Variants in MYO3B observed in about 807,000 individuals in gnomAD.
MYO3B encodes the protein myosin-IIIb.
MYO3B carries 156 observed loss-of-function variants against 174.6 expected under a neutral mutation model. That is an observed-to-expected ratio of 0.89 (90% CI 0.78 to 1.02). MYO3B has a LOEUF of 1.02. MYO3B is among the 50% of genes least tolerant of loss of function. MYO3B has a pLI of 0.00. For synonymous variants in MYO3B, 563 were observed against 569.1 expected, an observed-to-expected ratio of 0.99 and a Z score of 0.15; for missense variants, 1,632 against 1,639.4, an observed-to-expected ratio of 1.00 and a Z score of 0.08.
intron 8 of MYO3B, chr2:170,340,231 G>GT (rs1050425852): frequency 6.6e-6 from 1 of 152,128 alleles, no homozygotes; most frequent in African/African-American, 2.4e-5. Context: ...AACTTTAGTG[G>GT]TTTTTTAGGA....
At chr2:170,525,963 A>G (rs1688972835) in intron 30 of MYO3B, among the ~76,000 whole-genome samples, 1 of 152,198 alleles carries the variant, frequency 6.6e-6, no homozygotes, top group African/African-American at 2.4e-5. Flanking sequence ...TAGTGCACTA[A>G]CACGTTAGAG....
intron 30 of MYO3B, chr2:170,519,752 C>T: frequency 2.3e-6 from 1 of 434,990 alleles, no homozygotes; most frequent in Non-Finnish European, 4.2e-6. Flanking sequence ...GTGGGTGGAT[C>T]ACCTGAGGTC....
At chr2:170,439,922 C>T (rs1239420832) in intron 22 of MYO3B, among the ~76,000 whole-genome samples, 2 of 152,138 alleles carry the variant, frequency 1.3e-5, no homozygotes, top group African/African-American at 2.4e-5. Context: ...CCTTGTGATC[C>T]GCCTGCCTCA....
intron 30 of MYO3B, among the ~76,000 whole-genome samples, chr2:170,522,891 C>T (rs974949456): frequency 4.6e-5 from 7 of 152,176 alleles, no homozygotes; most frequent in African/African-American, 1.7e-4. Context: ...TTTTTCACAA[C>T]AGGATAATGA....
At chr2:170,443,654 G>A (rs1421416519) in intron 22 of MYO3B, among the ~76,000 whole-genome samples, 1 of 151,786 alleles carries the variant, frequency 6.6e-6, no homozygotes, top group Non-Finnish European at 1.5e-5. Flanking sequence ...AATCCATCTT[G>A]AATTAATTTT....
At chr2:170,181,724 T>C (rs1475738741) in intron 1 of MYO3B, among the ~76,000 whole-genome samples, 2 of 152,182 alleles carry the variant, frequency 1.3e-5, no homozygotes, top group African/African-American at 4.8e-5. Flanking sequence ...GTTCTGTTAA[T>C]ATAAATCTAA....
intron 32 of MYO3B, among the ~76,000 whole-genome samples, chr2:170,593,938 A>G (rs1166105232): frequency 1.3e-5 from 2 of 152,182 alleles, no homozygotes; most frequent in African/African-American, 4.8e-5. Flanking sequence ...TGATATTCAT[A>G]AAGACACTGT....
chr2:170,365,143 A>G (rs556889602), intron 8 of MYO3B, among the ~76,000 whole-genome samples: 3 of 152,166 alleles, frequency 2.0e-5, no homozygotes, highest in Non-Finnish European at 4.4e-5. Context: ...ATTGTTTCGT[A>G]CGTTGTACCT....
chr2:170,212,658 A>G (rs1346830949), intron 3 of MYO3B, among the ~76,000 whole-genome samples: 1 of 152,226 alleles, frequency 6.6e-6, no homozygotes, highest in Non-Finnish European at 1.5e-5. Flanking sequence ...AGAACTCAGC[A>G]AAGTGAGATG....
At chr2:170,437,249 G>A (rs577621047) in intron 22 of MYO3B, among the ~76,000 whole-genome samples, 8 of 148,342 alleles carry the variant, frequency 5.4e-5, no homozygotes, top group African/African-American at 1.3e-4. Flanking sequence ...TTCTCCTTAC[G>A]TGCAGAGAGA....
At chr2:170,601,981 C>T (rs1694537668) in intron 32 of MYO3B, 2 of 860,786 alleles carry the variant, frequency 2.3e-6, no homozygotes, top group Admixed American at 1.9e-5. Flanking sequence ...TTTTGTCTCC[C>T]CTTTAGGAGG....
At chr2:170,491,937 C>T (rs1686510807) in intron 25 of MYO3B, among the ~76,000 whole-genome samples, 1 of 152,012 alleles carries the variant, frequency 6.6e-6, no homozygotes, top group Non-Finnish European at 1.5e-5. Context: ...GCCTGCAATC[C>T]CAGCTACTCA....
At chr2:170,223,509 C>G (rs927987969) in intron 6 of MYO3B, among the ~76,000 whole-genome samples, 6 of 152,202 alleles carry the variant, frequency 3.9e-5, no homozygotes, top group African/African-American at 1.4e-4. Flanking sequence ...TCCATAGACA[C>G]AGAGTGGGTA....
intron 7 of MYO3B, among the ~76,000 whole-genome samples, chr2:170,319,462 G>T (rs1223906807): frequency 2.0e-5 from 3 of 151,998 alleles, no homozygotes; most frequent in Non-Finnish European, 2.9e-5. Context: ...GAGATCTATA[G>T]AAATTAACCA....
intron 7 of MYO3B, among the ~76,000 whole-genome samples, chr2:170,254,820 G>A (rs1350422704): frequency 6.6e-6 from 1 of 152,234 alleles, no homozygotes; most frequent in Non-Finnish European, 1.5e-5. Context: ...TGGGAAGGGT[G>A]TAGCCTGTTG....
At chr2:170,601,658 T>A (rs1694517147) in intron 32 of MYO3B, 2 of 1,389,588 alleles carry the variant, frequency 1.4e-6, no homozygotes, top group Admixed American at 3.4e-5. Flanking sequence ...CCTCTTCATC[T>A]TCTGTCCTCC....
At chr2:170,533,850 A>G (rs1689516234) in intron 30 of MYO3B, among the ~76,000 whole-genome samples, 1 of 152,196 alleles carries the variant, frequency 6.6e-6, no homozygotes, top group East Asian at 1.9e-4. Flanking sequence ...AACAAATGCA[A>G]TCATTTTTTC....
chr2:170,580,712 T>TTATATATATATA (rs139311800), intron 32 of MYO3B, among the ~76,000 whole-genome samples: 93 of 136,164 alleles, frequency 6.8e-4, no homozygotes, highest in Middle Eastern at 8.2e-3. Flanking sequence ...CCACAAAACC[T>TTATATATATATA]TATATATGTG....
intron 28 of MYO3B, among the ~76,000 whole-genome samples, chr2:170,507,260 C>G (rs988124782): frequency 6.6e-6 from 1 of 152,176 alleles, no homozygotes; most frequent in South Asian, 2.1e-4. Flanking sequence ...CGCCTACCCC[C>G]CCATCTTCTA....
Sources: allele counts gnomAD v4.1 joint callset (sites outside exome capture counted in the v4.1 genomes callset), GRCh38; gene constraint gnomAD v4.1.1; transcripts MANE v1.5; gene names NCBI Gene and HGNC (gene_info 2026-07-23, HGNC 2026-07-21).